Variants in CEP72 observed in about 807,000 individuals in gnomAD.
CEP72 encodes the protein centrosomal protein 72, also known as centrosomal protein of 72 kDa.
In CEP72, 78 loss-of-function variants were observed where a neutral mutation model predicts 65.7. That is an observed-to-expected ratio of 1.19 (90% CI 0.99 to 1.43). The LOEUF is 1.43. Among genes scored for constraint, CEP72 ranks in the 40% most tolerant of loss-of-function variants. CEP72 has a pLI of 0.00. For synonymous variants in CEP72, 358 were observed against 351.7 expected, an observed-to-expected ratio of 1.02 and a Z score of -0.20; for missense variants, 914 against 832.9, an observed-to-expected ratio of 1.10 and a Z score of -1.20.
intron 10 of CEP72, 86 bp from the exon 11 acceptor site, chr5:647,719 G>A (rs550814060): frequency 3.4e-6 from 3 of 880,978 alleles, no homozygotes; most frequent in East Asian, 5.1e-5. Flanking sequence ...CCAAGATCCA[G>A]TTTAAATGTA....
intron 1 of CEP72, among the ~76,000 whole-genome samples, chr5:616,373 A>G (rs964346970): frequency 1.3e-5 from 2 of 150,572 alleles, no homozygotes; most frequent in African/African-American, 4.9e-5. Flanking sequence ...CCTTTGTCTC[A>G]GGTGTTTGTA....
chr5:634,274 A>G (rs1323719757), intron 5 of CEP72, among the ~76,000 whole-genome samples: 1 of 152,184 alleles, frequency 6.6e-6, no homozygotes, highest in Admixed American at 6.5e-5. Context: ...CGGCAGCTGC[A>G]GGGGGGCATA....
chr5:647,243 T>C (rs1413566255), intron 10 of CEP72, among the ~76,000 whole-genome samples: 1 of 152,212 alleles, frequency 6.6e-6, no homozygotes, highest in Non-Finnish European at 1.5e-5. Context: ...GTGGGTTTAT[T>C]TGTATCCCGT....
chr5:670,055 C>T (rs186726825), downstream of CEP72, among the ~76,000 whole-genome samples: 1,070 of 150,748 alleles, frequency 7.1e-3, 4 homozygotes, highest in Non-Finnish European at 0.012. Context: ...CCTGCGGGGC[C>T]TGGACTTGCT....
At chr5:634,642 T>C (rs867281179) in intron 5 of CEP72, among the ~76,000 whole-genome samples, 14 of 152,178 alleles carry the variant, frequency 9.2e-5, no homozygotes, top group South Asian at 2.1e-4. Flanking sequence ...TTGCATCCGC[T>C]GCTGTTGAGA....
Position 612,434 on chromosome 5 carries a change from C to T in CEP72, c.73C>T (p.Arg25Cys). The T allele has an allele frequency of 1.4e-6, 2 of 1,458,250 alleles. No individual in the cohort carries two copies. The highest frequency in any genetic ancestry group is 1.8e-6 in the Non-Finnish European group (2 of 1,106,770). The allele number at this position is 1,458,250 out of a possible 1,614,324, so 90.3% of individuals were successfully genotyped here. ...GGCGAAGAGCGGCTTAGGGCCTCAC[C>T]GCGACCTGGGTGCGCCGGAGGGCGG... ...VRAKSGLGPH[R>C]DLAELQSLSI... The change falls in exon 1 of 12, where the codon CGC (arginine) becomes TGC (cysteine). Residue 25 changes from arginine (R) to cysteine (C), a missense_variant. Arg to Cys is a radical substitution (Grantham distance 180, BLOSUM62 -3). Coordinates refer to ENST00000264935, the MANE Select transcript of CEP72 (RefSeq NM_018140.4).
downstream of CEP72, among the ~76,000 whole-genome samples, chr5:668,813 G>C (rs369979785): frequency 7.9e-5 from 12 of 152,354 alleles, no homozygotes; most frequent in South Asian, 2.5e-3. Flanking sequence ...ACAGTGCTGT[G>C]ATGTGTGCGC....
At chr5:658,453 A>ATTC (rs975188561), downstream of CEP72, among the ~76,000 whole-genome samples, 6 of 152,172 alleles carry the variant, frequency 3.9e-5, no homozygotes, top group African/African-American at 1.4e-4. Flanking sequence ...ATTCTTGGCC[A>ATTC]TTCTTCATAT....
At chr5:631,800 G>A (rs371170275) in intron 4 of CEP72, among the ~76,000 whole-genome samples, 2 of 50,016 alleles carry the variant, frequency 4.0e-5, no homozygotes, top group Admixed American at 2.1e-4. Context: ...CCGGGATTTG[G>A]CCCAGTCCTG....
In CEP72 at chr5:624,958, A is replaced by G. The variant is rs1736651668; in HGVS notation, c.512+379A>G. ...CAGCCAAATCCCACTTCTGGCCGTG[A>G]GCACATTCAGCAGGACCCGTCTTCC... On this transcript the variant is annotated intron_variant, in intron 4 of 11. Coordinates refer to ENST00000264935, the MANE Select transcript of CEP72 (RefSeq NM_018140.4). This position sits in a 1 kb window ranked among gnomAD's most constrained non-coding sequence, Gnocchi z 4.7. Among the ~76,000 whole-genome samples, 1 of 152,144 alleles carries G rather than the reference A, an allele frequency of 6.6e-6. No individual in the cohort carries two copies. The highest frequency in any genetic ancestry group is 1.5e-5 in the Non-Finnish European group (1 of 68,030).
intron 9 of CEP72, chr5:643,277 A>T: frequency 1.0e-6 from 1 of 985,418 alleles, no homozygotes; most frequent in Non-Finnish European, 1.2e-6. Flanking sequence ...TGGGAGGCAA[A>T]ACCATGAGAC....
intron 4 of CEP72, among the ~76,000 whole-genome samples, chr5:625,817 C>A (rs575925818): frequency 6.6e-6 from 1 of 152,180 alleles, no homozygotes; most frequent in Non-Finnish European, 1.5e-5. Context: ...CCCTCCAGCC[C>A]TGCTCTCACA....
At chr5:619,683 A>G (rs532721413) in intron 2 of CEP72, among the ~76,000 whole-genome samples, 9 of 152,316 alleles carry the variant, frequency 5.9e-5, no homozygotes, top group African/African-American at 1.7e-4. Flanking sequence ...GGCTACACCC[A>G]GTGCTGCCTC....
the CEP72 span, among the ~76,000 whole-genome samples, chr5:672,829 A>G: frequency 1.4e-3 from 215 of 152,352 alleles, no homozygotes; most frequent in Non-Finnish European, 1.3e-3. Flanking sequence ...GTCTGGGTTA[A>G]CAGTAGGCTT....
At chr5:627,485 T>G (rs996998718) in intron 4 of CEP72, among the ~76,000 whole-genome samples, 1 of 152,158 alleles carries the variant, frequency 6.6e-6, no homozygotes, top group African/African-American at 2.4e-5. Flanking sequence ...ACGGACTTGG[T>G]GGGTTAGAGT....
At chr5:633,717 C>T (rs372637912) in intron 4 of CEP72, 52 bp from the exon 5 acceptor site, 26 of 1,558,738 alleles carry the variant, frequency 1.7e-5, no homozygotes, top group Middle Eastern at 3.4e-4. Flanking sequence ...CTGCGTGGGC[C>T]GGAGCATATG....
rs2126807152 is a variant in CEP72, at chr5:645,742, A to G, written c.1666+1317A>G. ...CCTGAACTGGAACAACAGAGTAAAT[A>G]ATAGTCTAACTTGTCTTTGTTACTC... On this transcript the variant is annotated intron_variant, in intron 10 of 11. Transcript: ENST00000264935. The surrounding 1 kb of genome is among the most constrained non-coding windows in gnomAD (Gnocchi z 4.0). Among the ~76,000 whole-genome samples the G allele has an allele frequency of 6.6e-6, 1 of 152,380 alleles. No individual in the cohort carries two copies. The highest frequency in any genetic ancestry group is 2.4e-5 in the African/African-American group (1 of 41,590).
At chr5:668,584 C>T (rs115312788), downstream of CEP72, among the ~76,000 whole-genome samples, 3,414 of 152,326 alleles carry the variant, frequency 0.022, 135 homozygotes, top group African/African-American at 0.078. Context: ...GAGCAGGCCG[C>T]GGGGTGGGGG....
At chr5:648,484 T>TGACTGTGAGGTGTG (rs1561061057) in intron 11 of CEP72, among the ~76,000 whole-genome samples, 20 of 134,780 alleles carry the variant, frequency 1.5e-4, no homozygotes, top group Non-Finnish European at 2.1e-4. Flanking sequence ...CTGTGAGGTA[T>TGACTGTGAGGTGTG]GACTGTGAGG....
Sources: allele counts gnomAD v4.1 joint callset (sites outside exome capture counted in the v4.1 genomes callset), GRCh38; gene constraint gnomAD v4.1.1; non-coding constraint Gnocchi (gnomAD v3.1); transcripts MANE v1.5; gene names NCBI Gene and HGNC (gene_info 2026-07-23, HGNC 2026-07-21).